CHRM3: variants seen among roughly 807,000 people sequenced by gnomAD.
The protein encoded by CHRM3 is cholinergic receptor muscarinic 3, also known as muscarinic acetylcholine receptor M3.
A neutral mutation model predicts 41.8 loss-of-function variants in CHRM3; 11 were observed. The ratio of observed to expected loss-of-function variants is 0.26; its 90% CI spans 0.17 to 0.44. The LOEUF is 0.44. Ranked by LOEUF, CHRM3 falls within the 20% of genes least tolerant of loss-of-function variation. CHRM3 has a pLI of 1.00. For missense variants in CHRM3, 571 were observed against 745.4 expected, an observed-to-expected ratio of 0.77 and a Z score of 2.72; for synonymous variants, 297 against 301.4, an observed-to-expected ratio of 0.99 and a Z score of 0.15.
chr1:239,528,637 A>G (rs1670162899), intron 2 of CHRM3, among the ~76,000 whole-genome samples: 1 of 152,248 alleles, frequency 6.6e-6, no homozygotes, highest in Non-Finnish European at 1.5e-5. Context: ...TCATGCCTGT[A>G]ATCCCAGCAC....
rs762974054 is a variant in CHRM3 at position 239,908,437 on chromosome 1, A to G, written c.986A>G (p.Gln329Arg). ...SWKPSSEQMD[Q>R]DHSSSDSWNN... ...AAACCCAGCTCCGAGCAGATGGACC[A>G]AGACCACAGCAGCAGTGACAGTTGG... The change falls in exon 7 of 7, where the codon CAA becomes CGA. Residue 329 changes from glutamine to arginine, a missense_variant. Gln to Arg is a conservative substitution (Grantham distance 43). Transcript: ENST00000676153. This position sits in a 1 kb window ranked among gnomAD's most constrained non-coding sequence, Gnocchi z 7.2. 5.0e-6 allele frequency: 8 copies of G among 1,613,926 alleles called. No individual in the cohort carries two copies. Among genetic ancestry groups the G allele is most frequent in the Non-Finnish European group, 6.8e-6 (8 of 1,180,022 alleles).
chr1:239,551,960 T>G (rs1273054811), intron 3 of CHRM3, among the ~76,000 whole-genome samples: 5 of 152,122 alleles, frequency 3.3e-5, no homozygotes, highest in Non-Finnish European at 5.9e-5. Context: ...AATGTTTGAA[T>G]GAATCATATA....
At chr1:239,851,756 A>C (rs1010388823) in intron 6 of CHRM3, among the ~76,000 whole-genome samples, 2 of 152,112 alleles carry the variant, frequency 1.3e-5, no homozygotes, top group African/African-American at 2.4e-5. Flanking sequence ...CTGCTTGCCT[A>C]TTTGACTATT....
chr1:239,615,081 A>G (rs73122673), intron 3 of CHRM3, among the ~76,000 whole-genome samples: 4,999 of 152,250 alleles, frequency 0.033, 290 homozygotes, highest in African/African-American at 0.11. Context: ...CCTGAAGAAA[A>G]AGGATGCGGG....
chr1:239,465,964 C>T (rs540273695), intron 1 of CHRM3, among the ~76,000 whole-genome samples: 5 of 151,966 alleles, frequency 3.3e-5, no homozygotes, highest in East Asian at 3.9e-4. Flanking sequence ...AGGATGAAAA[C>T]GTTTATGATG....
rs74882536 is a variant in CHRM3, at chr1:239,912,493, G to A, written c.*3269G>A. ...CCTGCTGTGGCTAAAGATCTAGAAGGCATATCAGTTTTCTCTGTCAGGCTT... is the reference window on the plus strand; with the variant it reads ...CCTGCTGTGGCTAAAGATCTAGAAGACATATCAGTTTTCTCTGTCAGGCTT... On this transcript the variant is annotated 3_prime_UTR_variant, in exon 7 of 7. Coordinates refer to ENST00000676153, the MANE Select transcript of CHRM3 (RefSeq NM_001375978.1). 2 of 167,246 alleles carry A rather than the reference G, an allele frequency of 1.2e-5. No homozygotes were observed. The highest frequency in any genetic ancestry group is 1.9e-4 in the East Asian group (1 of 5,184). 10.4% of individuals were successfully genotyped at this position (167,246 alleles called of 1,614,324 possible).
intron 1 of CHRM3, among the ~76,000 whole-genome samples, chr1:239,434,374 C>A (rs1015656323): frequency 1.3e-5 from 2 of 152,196 alleles, no homozygotes; most frequent in African/African-American, 4.8e-5. Context: ...TCCTACAACT[C>A]TTTCATAACT....
chr1:239,520,954 A>C (rs1669601619), intron 2 of CHRM3, among the ~76,000 whole-genome samples: 1 of 152,196 alleles, frequency 6.6e-6, no homozygotes, highest in Admixed American at 6.5e-5. Flanking sequence ...GGAGTTACAT[A>C]ATTATAGAGC....
In CHRM3 at chr1:239,911,146, A is replaced by G. The variant is rs1210094768; in HGVS notation, c.*1922A>G. 5.4e-5 allele frequency: 9 copies of G among 167,186 alleles called. No individual in the cohort carries two copies. The East Asian group carries it at 7.7e-4, about 14-fold the overall frequency. 10.4% of individuals were successfully genotyped at this position (167,186 alleles called of 1,614,324 possible). On this transcript the variant is annotated 3_prime_UTR_variant, in exon 7 of 7. Transcript: ENST00000676153. ...AAGCACCTAACTCTTTCTAGGTAAT[A>G]AAAAGTCAACGGTCACTTCAACGTA...
chr1:239,403,339 T>C (rs977623710), intron 1 of CHRM3, among the ~76,000 whole-genome samples: 1 of 152,234 alleles, frequency 6.6e-6, no homozygotes, highest in Admixed American at 6.5e-5. Flanking sequence ...GTATTTGTTG[T>C]TGACTGAGTT....
intron 5 of CHRM3, among the ~76,000 whole-genome samples, chr1:239,824,553 A>G (rs1672307754): frequency 6.6e-6 from 1 of 152,216 alleles, no homozygotes; most frequent in Non-Finnish European, 1.5e-5. Context: ...AAGGGGGAAA[A>G]GCAGTCTAAA....
At chr1:239,409,152 T>C (rs932931406) in intron 1 of CHRM3, among the ~76,000 whole-genome samples, 3 of 152,204 alleles carry the variant, frequency 2.0e-5, no homozygotes, top group Non-Finnish European at 4.4e-5. Context: ...CAGATATTTA[T>C]TGAGCAGCTG....
chr1:239,867,426 G>A (rs529973301), intron 6 of CHRM3, among the ~76,000 whole-genome samples: 4 of 152,250 alleles, frequency 2.6e-5, no homozygotes, highest in East Asian at 3.9e-4. Context: ...GGTGGCTCAC[G>A]CCTGTAATCC....
At chr1:239,412,756 T>C (rs906785123) in intron 1 of CHRM3, among the ~76,000 whole-genome samples, 8 of 152,084 alleles carry the variant, frequency 5.3e-5, no homozygotes, top group Admixed American at 5.2e-4. Flanking sequence ...AAGAGCTTCA[T>C]TGGTAATTAT....
chr1:239,596,851 T>A (rs1664837934), intron 3 of CHRM3, among the ~76,000 whole-genome samples: 3 of 152,126 alleles, frequency 2.0e-5, no homozygotes, highest in Non-Finnish European at 2.9e-5. Context: ...ATATAATCTT[T>A]TAAATGCTGT....
chr1:239,613,799 C>T (rs1667326022), intron 3 of CHRM3, among the ~76,000 whole-genome samples: 1 of 151,856 alleles, frequency 6.6e-6, no homozygotes, highest in Non-Finnish European at 1.5e-5. Flanking sequence ...CTCTCACATA[C>T]ACTCAACCCG....
At chr1:239,703,200 A>T (rs986722481) in intron 5 of CHRM3, 14 of 152,138 alleles carry the variant, frequency 9.2e-5, no homozygotes, top group African/African-American at 3.4e-4. Context: ...TTCCTCAGGT[A>T]ACAGAGGAAG....
At chr1:239,535,942 C>G (rs2148359711) in intron 2 of CHRM3, among the ~76,000 whole-genome samples, 1 of 152,276 alleles carries the variant, frequency 6.6e-6, no homozygotes, top group South Asian at 2.1e-4. Flanking sequence ...GCTAATGAGG[C>G]TGAGGCAGGT....
intron 4 of CHRM3, among the ~76,000 whole-genome samples, chr1:239,663,474 C>A (rs1474372521): frequency 6.6e-6 from 1 of 152,132 alleles, no homozygotes; most frequent in African/African-American, 2.4e-5. Context: ...CATGCCGGTG[C>A]CCTCAGAGTC....
Sources: gnomAD v4.1 joint callset for allele counts (sites outside exome capture counted in the v4.1 genomes callset) on GRCh38, gnomAD v4.1.1 for gene constraint, Gnocchi (gnomAD v3.1) non-coding constraint, MANE v1.5 for transcripts, NCBI Gene and HGNC (gene_info 2026-07-23, HGNC 2026-07-21) for gene names.